Variants in PCDHGA2 observed in about 807,000 individuals in gnomAD.
PCDHGA2 encodes the protein protocadherin gamma subfamily A, 2.
Under a neutral mutation model 59.2 loss-of-function variants are expected in PCDHGA2, and 40 were observed. The ratio of observed to expected loss-of-function variants is 0.68; its 90% CI spans 0.52 to 0.88. The LOEUF (loss-of-function observed/expected upper bound fraction) is 0.88. PCDHGA2 is among the 40% of genes least tolerant of loss of function. The pLI is 0.00. For missense variants in PCDHGA2, 1,226 were observed against 1,204.0 expected, an observed-to-expected ratio of 1.02 and a Z score of -0.27; for synonymous variants, 560 against 526.0, an observed-to-expected ratio of 1.06 and a Z score of -0.89.
intron 2 of PCDHGA2, among the ~76,000 whole-genome samples, chr5:141,495,936 T>C (rs1329369782): frequency 6.6e-6 from 1 of 152,206 alleles, no homozygotes; most frequent in Non-Finnish European, 1.5e-5. Flanking sequence ...GTCTCTGGTC[T>C]CTGTGCCTGT....
chr5:141,476,587 G>A lies in PCDHGA2; in HGVS notation c.2425-18220G>A. ...CTCCGGGGACGCGCTTTCCGCTCGA[G>A]AGCGCGCACGATCCCGATGTGGGAA... On this transcript the variant is annotated intron_variant, in intron 1 of 3. Coordinates refer to ENST00000394576, the MANE Select transcript of PCDHGA2 (RefSeq NM_018915.4). The surrounding 1 kb of genome is among the most constrained non-coding windows in gnomAD (Gnocchi z 7.6). 6.2e-7 allele frequency: 1 copy of A among 1,614,234 alleles called. No homozygotes were observed. The highest frequency in any genetic ancestry group is 1.1e-5 in the South Asian group (1 of 91,086).
At chr5:141,488,687 GA>G (rs1238909682) in intron 1 of PCDHGA2, among the ~76,000 whole-genome samples, 1 of 152,192 alleles carries the variant, frequency 6.6e-6, no homozygotes, top group East Asian at 1.9e-4. Flanking sequence ...GCCTCTCCCA[GA>G]AGGACAAGAT....
chr5:141,343,443 C>T, intron 1 of PCDHGA2: 1 of 901,872 alleles, frequency 1.1e-6, no homozygotes, highest in African/African-American at 1.8e-5. Context: ...AGAATAAACA[C>T]ATTATCAAGG....
At chr5:141,398,949 C>T (rs749860900) in intron 1 of PCDHGA2, 1 of 1,613,948 alleles carries the variant, frequency 6.2e-7, no homozygotes, top group Non-Finnish European at 8.5e-7. Flanking sequence ...AGGGCATCAA[C>T]TCAGAAATTA....
At chr5:141,360,478 A>G in intron 1 of PCDHGA2, 1 of 1,613,910 alleles carries the variant, frequency 6.2e-7, no homozygotes, top group Non-Finnish European at 8.5e-7. Flanking sequence ...AAATCCACTA[A>G]ATATTTTCTA....
In PCDHGA2 at chr5:141,339,748, C is replaced by T. The variant is rs1220367601; in HGVS notation, c.777C>T (p.Thr259=). The change falls in exon 1 of 4, where the codon ACC becomes ACT. Residue 259 remains threonine, a synonymous_variant. Transcript: ENST00000394576. ...TTCCGGAGAATACGCTCGTGGGCAC[C>T]CGGATACTCACGGTGACCGCCACTG... The part of the protein sequence containing the change: ...ISIPENTLVG[T]RILTVTATDA... 2 of 1,613,978 alleles carry T rather than the reference C, an allele frequency of 1.2e-6. No individual in the cohort carries two copies. Among genetic ancestry groups the T allele is most frequent in the African/African-American group, 2.7e-5 (2 of 74,902 alleles).
intron 1 of PCDHGA2, among the ~76,000 whole-genome samples, chr5:141,358,688 C>G (rs944997281): frequency 6.6e-6 from 1 of 152,144 alleles, no homozygotes. Context: ...CTTATCATGA[C>G]ATCACTATTG....
Position 141,432,147 on chromosome 5 carries a change from A to G in PCDHGA2, c.2425-62660A>G. 6.2e-7 allele frequency: 1 copy of G among 1,614,066 alleles called. No individual in the cohort carries two copies. The highest frequency in any genetic ancestry group is 8.5e-7 in the Non-Finnish European group (1 of 1,179,998). ...GCCTCCTATTCCGCTTATATCCCAG[A>G]GAACAATCCCAGAGGAGTTTCCCTC... On this transcript the variant is annotated intron_variant, in intron 1 of 3. Transcript: ENST00000394576. The surrounding 1 kb of genome is among the most constrained non-coding windows in gnomAD (Gnocchi z 6.0).
chr5:141,432,584 C>T lies in PCDHGA2; in HGVS notation c.2425-62223C>T, dbSNP rs762935149. The T allele has an allele frequency of 2.3e-5, 37 of 1,613,854 alleles. No individual in the cohort carries two copies. The highest frequency in any genetic ancestry group is 3.3e-4 in the Middle Eastern group (2 of 6,018). On this transcript the variant is annotated intron_variant, in intron 1 of 3. Coordinates refer to ENST00000394576, the MANE Select transcript of PCDHGA2 (RefSeq NM_018915.4). The surrounding 1 kb of genome is among the most constrained non-coding windows in gnomAD (Gnocchi z 6.0). ...GAACGCCTGGCTGTCCTACCGTCTG[C>T]TCAAGGCCAGCGAGCCGGGACTCTT...
At position 141,477,039 on chromosome 5, in the gene PCDHGA2, G is replaced by C. The variant is rs1313580652; in HGVS notation, c.2425-17768G>C. Reference sequence around the variant, plus strand: ...GTAACCGGGATGCTGACAATCAAGGGTCGGCTGGACTTCGAGGACACCAAA... The same window carrying C: ...GTAACCGGGATGCTGACAATCAAGGCTCGGCTGGACTTCGAGGACACCAAA... On this transcript the variant is annotated intron_variant, in intron 1 of 3. Coordinates refer to ENST00000394576, the MANE Select transcript of PCDHGA2 (RefSeq NM_018915.4). This position sits in a 1 kb window ranked among gnomAD's most constrained non-coding sequence, Gnocchi z 4.9. 1 of 1,614,144 alleles carries C rather than the reference G, an allele frequency of 6.2e-7. No individual in the cohort carries two copies. The highest frequency in any genetic ancestry group is 8.5e-7 in the Non-Finnish European group (1 of 1,180,056).
chr5:141,366,715 T>C (rs1183918402), intron 1 of PCDHGA2: 3 of 1,614,072 alleles, frequency 1.9e-6, no homozygotes, highest in Non-Finnish European at 2.5e-6. Flanking sequence ...TGATGTCTGA[T>C]AAGGTAGATG....
chr5:141,449,837 TAATTA>T (rs1054425190), intron 1 of PCDHGA2, among the ~76,000 whole-genome samples: 11 of 151,856 alleles, frequency 7.2e-5, no homozygotes, highest in Middle Eastern at 3.4e-3. Context: ...TTCTTTTATA[TAATTA>T]AATTTTAATA....
chr5:141,355,144 C>T (rs1759728329), intron 1 of PCDHGA2: 1 of 1,532,618 alleles, frequency 6.5e-7, no homozygotes, highest in East Asian at 2.3e-5. Context: ...TCCTGGGGCT[C>T]CTCAGGCCTC....
chr5:141,413,283 C>A lies in PCDHGA2; in HGVS notation c.2424+71888C>A, dbSNP rs377443382. On this transcript the variant is annotated intron_variant, in intron 1 of 3. Coordinates refer to ENST00000394576, the MANE Select transcript of PCDHGA2 (RefSeq NM_018915.4). ...GGGAGGCTGGAGCCCGGCAGATCTC[C>A]TACTCAATTCCTGAGGAATTAGAGA... The A allele has an allele frequency of 3.6e-5, 58 of 1,613,848 alleles. No individual in the cohort carries two copies. The African/African-American group carries it at 7.6e-4, about 21-fold the overall frequency.
At chr5:141,390,019 G>GCCTGCGAC (rs1380063948) in intron 1 of PCDHGA2, 1 of 1,614,002 alleles carries the variant, frequency 6.2e-7, no homozygotes. Context: ...ATTGCCTTGC[G>GCCTGCGAC]CCTGCGACGC....
At chr5:141,363,434 A>G (rs1040594076) in intron 1 of PCDHGA2, among the ~76,000 whole-genome samples, 4 of 152,234 alleles carry the variant, frequency 2.6e-5, no homozygotes, top group African/African-American at 9.6e-5. Flanking sequence ...CAACATAGAA[A>G]GGTCACTCAG....
chr5:141,419,671 G>T (rs532058652), intron 1 of PCDHGA2: 1 of 1,612,894 alleles, frequency 6.2e-7, no homozygotes, highest in East Asian at 2.2e-5. Context: ...ATGCCTGGCT[G>T]TCCTACCACG....
intron 3 of PCDHGA2, among the ~76,000 whole-genome samples, chr5:141,508,761 C>G (rs943236216): frequency 6.6e-6 from 1 of 151,974 alleles, no homozygotes; most frequent in Admixed American, 6.6e-5. Context: ...TCTGGCGCCT[C>G]TGAGGTCCCC....
chr5:141,380,816 A>T (rs546532723), intron 1 of PCDHGA2, among the ~76,000 whole-genome samples: 1 of 152,256 alleles, frequency 6.6e-6, no homozygotes, highest in Non-Finnish European at 1.5e-5. Flanking sequence ...AGATGAAACT[A>T]TGAATTTTGA....
Sources: gnomAD v4.1 joint callset for allele counts (sites outside exome capture counted in the v4.1 genomes callset) on GRCh38, gnomAD v4.1.1 for gene constraint, Gnocchi (gnomAD v3.1) non-coding constraint, MANE v1.5 for transcripts, NCBI Gene and HGNC (gene_info 2026-07-23, HGNC 2026-07-21) for gene names.